ZNF385D: variants seen among roughly 807,000 people sequenced by gnomAD.
ZNF385D encodes the protein zinc finger protein 385D.
ZNF385D carries 15 observed loss-of-function variants against 35.8 expected under a neutral mutation model. That is an observed-to-expected ratio of 0.42 (90% CI 0.28 to 0.64). ZNF385D has a LOEUF of 0.64. ZNF385D is among the 30% of genes least tolerant of loss of function. The pLI is 0.23. For missense variants in ZNF385D, 474 were observed against 494.6 expected (o/e 0.96, Z 0.39); for synonymous variants, 212 against 186.8 (o/e 1.13, Z -1.10).
At chr3:22,363,837 C>T (rs915907984) in intron 2 of ZNF385D, among the ~76,000 whole-genome samples, 1 of 152,080 alleles carries the variant, frequency 6.6e-6, no homozygotes, top group African/African-American at 2.4e-5. Context: ...CAGAGTACTG[C>T]ATAGATCACA....
intron 3 of ZNF385D, among the ~76,000 whole-genome samples, chr3:21,961,746 C>A (rs2125320152): frequency 6.6e-6 from 1 of 152,130 alleles, no homozygotes; most frequent in African/African-American, 2.4e-5. Context: ...TCAGGAAAGG[C>A]ATTTCTTGAG....
chr3:22,253,044 T>C (rs561703010), intron 2 of ZNF385D, among the ~76,000 whole-genome samples: 1 of 152,074 alleles, frequency 6.6e-6, no homozygotes, highest in Non-Finnish European at 1.5e-5. Context: ...AGCAAAGAGA[T>C]TTGGTAATTG....
intron 3 of ZNF385D, among the ~76,000 whole-genome samples, chr3:21,980,129 G>C (rs776933869): frequency 6.6e-6 from 1 of 152,154 alleles, no homozygotes; most frequent in African/African-American, 2.4e-5. Flanking sequence ...CAGCCTTATA[G>C]AGAGGCTCTT....
At chr3:21,826,881 T>C (rs190781810) in intron 3 of ZNF385D, among the ~76,000 whole-genome samples, 27 of 150,650 alleles carry the variant, frequency 1.8e-4, no homozygotes, top group African/African-American at 6.3e-4. Flanking sequence ...CAGGGTCCTC[T>C]CTTGGAGGTA....
chr3:22,112,312 A>T (rs1404788793), intron 3 of ZNF385D, among the ~76,000 whole-genome samples: 1 of 152,142 alleles, frequency 6.6e-6, no homozygotes, highest in Non-Finnish European at 1.5e-5. Flanking sequence ...ATGAATAACC[A>T]CAAGAAATCT....
chr3:21,586,774 C>A (rs148706733), intron 2 of ZNF385D, among the ~76,000 whole-genome samples: 62 of 152,180 alleles, frequency 4.1e-4, no homozygotes, highest in African/African-American at 1.4e-3. Flanking sequence ...TAATGCAAAA[C>A]AAGTGGTTCT....
chr3:22,242,444 C>T (rs1390090668), intron 2 of ZNF385D, among the ~76,000 whole-genome samples: 1 of 150,772 alleles, frequency 6.6e-6, no homozygotes, highest in East Asian at 2.0e-4. Context: ...ATGGATATCA[C>T]GTAAACCCTG....
At chr3:22,110,951 A>G (rs1433681127) in intron 3 of ZNF385D, among the ~76,000 whole-genome samples, 2 of 152,008 alleles carry the variant, frequency 1.3e-5, no homozygotes. Flanking sequence ...TTTACAGATG[A>G]TTTTGAAAAG....
rs537218606 is a variant in ZNF385D at position 22,228,570 on chromosome 3, T to A, written c.107-59535A>T. On this transcript the variant is annotated intron_variant, in intron 2 of 5. Transcript: ENST00000494108. ...TGGTCAGTTAAAATTTAGCTGTCAT[T>A]TGAGTGCCCTGAAGCACATCCTTGT... Among the ~76,000 whole-genome samples, 407 of 152,338 alleles carry A rather than the reference T, an allele frequency of 2.7e-3. 2 individuals are homozygous for A. The highest frequency in any genetic ancestry group is 8.2e-3 in the African/African-American group (343 of 41,582).
At chr3:21,554,457 A>G (rs2062665805) in intron 3 of ZNF385D, among the ~76,000 whole-genome samples, 1 of 152,184 alleles carries the variant, frequency 6.6e-6, no homozygotes, top group Non-Finnish European at 1.5e-5. Flanking sequence ...GACCACAGGC[A>G]GAGATGATTT....
At chr3:21,480,599 G>C (rs1276646491) in intron 4 of ZNF385D, among the ~76,000 whole-genome samples, 1 of 152,008 alleles carries the variant, frequency 6.6e-6, no homozygotes, top group African/African-American at 2.4e-5. Flanking sequence ...AATGAAGAAA[G>C]ATCGGAAGAT....
At chr3:22,049,373 C>A (rs1037718978) in intron 3 of ZNF385D, among the ~76,000 whole-genome samples, 4 of 149,586 alleles carry the variant, frequency 2.7e-5, no homozygotes, top group Admixed American at 6.8e-5. Context: ...ATTTATCCTG[C>A]AACTTTACTG....
chr3:21,567,756 A>G (rs115030457), intron 2 of ZNF385D, among the ~76,000 whole-genome samples: 1,830 of 152,262 alleles, frequency 0.012, 22 homozygotes, highest in East Asian at 0.018. Context: ...TGAACTGTGT[A>G]TGTATATCAA....
chr3:21,602,426 C>T (rs139338824), intron 2 of ZNF385D, among the ~76,000 whole-genome samples: 256 of 150,620 alleles, frequency 1.7e-3, no homozygotes, highest in African/African-American at 5.9e-3. Flanking sequence ...TCTTATTTTA[C>T]GGGAAATGCA....
intron 3 of ZNF385D, among the ~76,000 whole-genome samples, chr3:21,856,094 C>T (rs1353053453): frequency 6.6e-6 from 1 of 151,980 alleles, no homozygotes; most frequent in Non-Finnish European, 1.5e-5. Context: ...ATATAAGTTA[C>T]AGAATGCTCA....
chr3:22,248,401 A>G (rs1699899316), intron 2 of ZNF385D, among the ~76,000 whole-genome samples: 2 of 152,204 alleles, frequency 1.3e-5, no homozygotes, highest in Non-Finnish European at 2.9e-5. Flanking sequence ...CACTGAGGAT[A>G]TAGAGAAGAA....
In ZNF385D at chr3:21,421,251, C is replaced by T. The variant is rs780010347; in HGVS notation, c.1151G>A (p.Arg384Gln). 6.2e-7 allele frequency: 1 copy of T among 1,613,974 alleles called. No homozygotes were observed. Among genetic ancestry groups the T allele is most frequent in the Non-Finnish European group, 8.5e-7 (1 of 1,180,010 alleles). ...AAACAGCACAGGAGTGTGGGCGGTC[C>T]GAATGGGTCCAGGAGCTGGCCGCAG... ...ALLRPAPGPI[R>Q]TAHTPVLFAP... Residue 384 changes from arginine to glutamine, a missense_variant, in exon 8 of 8, where the codon CGG becomes CAG. Coordinates refer to ENST00000281523, the MANE Select transcript of ZNF385D (RefSeq NM_024697.3).
chr3:22,164,608 C>CTTT (rs5847166), intron 3 of ZNF385D, among the ~76,000 whole-genome samples: 10 of 138,348 alleles, frequency 7.2e-5, no homozygotes, highest in Non-Finnish European at 1.1e-4. Flanking sequence ...CCCAAAGGGA[C>CTTT]TTTTTTTTTT....
At chr3:21,826,301 A>C (rs1417307863) in intron 3 of ZNF385D, among the ~76,000 whole-genome samples, 1 of 152,202 alleles carries the variant, frequency 6.6e-6, no homozygotes, top group Admixed American at 6.5e-5. Flanking sequence ...CGCAATCCCC[A>C]ACCTGATTGT....
Sources: gnomAD v4.1 joint callset for allele counts (sites outside exome capture counted in the v4.1 genomes callset) on GRCh38, gnomAD v4.1.1 for gene constraint, MANE v1.5 for transcripts, NCBI Gene and HGNC (gene_info 2026-07-23, HGNC 2026-07-21) for gene names.